Variants in BACH1 observed in about 807,000 individuals in gnomAD.
BACH1 encodes the protein transcription regulator protein BACH1.
BACH1 carries 35 observed loss-of-function variants against 52.9 expected under a neutral mutation model. The ratio of observed to expected loss-of-function variants is 0.66; its 90% CI spans 0.51 to 0.88. The LOEUF (loss-of-function observed/expected upper bound fraction) is 0.88, where lower values mean the gene tolerates loss of function less well. BACH1 is among the 40% of genes least tolerant of loss of function. The pLI is 0.00. For missense variants in BACH1, 808 were observed against 872.6 expected, an observed-to-expected ratio of 0.93 and a Z score of 0.93; for synonymous variants, 321 against 319.6, an observed-to-expected ratio of 1.00 and a Z score of -0.05.
intron 4 of BACH1, among the ~76,000 whole-genome samples, chr21:29,337,363 C>T (rs905337162): frequency 3.3e-5 from 5 of 152,134 alleles, no homozygotes; most frequent in African/African-American, 1.2e-4. Flanking sequence ...TTCATTATAT[C>T]ATGAATTCAT....
chr21:29,348,440 C>T (rs189235715), downstream of BACH1, among the ~76,000 whole-genome samples: 67 of 151,972 alleles, frequency 4.4e-4, no homozygotes, highest in African/African-American at 1.6e-3. Flanking sequence ...TGCCAGAGAC[C>T]ATAGTAGAAC....
At position 29,326,400 on chromosome 21, in the gene BACH1, T is replaced by C; in HGVS notation, c.576T>C (p.Asn192=). Residue 192 remains asparagine, a synonymous_variant, in exon 3 of 5, where the codon AAT becomes AAC. Coordinates refer to ENST00000286800, the MANE Select transcript of BACH1 (RefSeq NM_001186.4). ...GTAAACTCCGCAGGTATCAAGGAAA[T>C]GCAAAAGCCTCACCTCCTCTACAAG... is the stretch of plus-strand genomic sequence containing the variant. ...PQCKLRRYQG[N]AKASPPLQDS... is the part of the protein sequence containing the mutation. 1 of 1,614,176 alleles carries C rather than the reference T, an allele frequency of 6.2e-7. No individual in the cohort carries two copies. The highest frequency in any genetic ancestry group is 8.5e-7 in the Non-Finnish European group (1 of 1,180,022).
intron 4 of BACH1, among the ~76,000 whole-genome samples, chr21:29,334,230 T>G (rs1369919143): frequency 2.0e-5 from 3 of 152,072 alleles, no homozygotes; most frequent in Non-Finnish European, 4.4e-5. Flanking sequence ...CCCGAGTAGC[T>G]GGGACTACAG....
At chr21:29,315,515 G>T (rs1327361023) in intron 1 of BACH1, among the ~76,000 whole-genome samples, 1 of 152,180 alleles carries the variant, frequency 6.6e-6, no homozygotes, top group Non-Finnish European at 1.5e-5. Context: ...GAGAAGGCAG[G>T]TTTTGAGGAA....
Position 29,298,942 on chromosome 21 carries a change from G to C in BACH1, c.-72G>C, listed in dbSNP as rs1209988015. 1.3e-5 allele frequency: 2 copies of C among 151,914 alleles called. No homozygotes were observed. Among genetic ancestry groups the C allele is most frequent in the Non-Finnish European group, 2.9e-5 (2 of 67,992 alleles). 9.4% of individuals were successfully genotyped at this position (151,914 alleles called of 1,614,324 possible). On this transcript the variant is annotated 5_prime_UTR_variant, in exon 1 of 5. Coordinates refer to ENST00000286800, the MANE Select transcript of BACH1 (RefSeq NM_001186.4). ...GCTTCAGTCAGTCGGGCCGCGCCGCGCCTCAGCTCTGGTGAGTGGCTCGGC... is the reference window on the plus strand; with the variant it reads ...GCTTCAGTCAGTCGGGCCGCGCCGCCCCTCAGCTCTGGTGAGTGGCTCGGC...
At chr21:29,324,639 G>GT (rs1178862481) in intron 2 of BACH1, among the ~76,000 whole-genome samples, 1 of 149,420 alleles carries the variant, frequency 6.7e-6, no homozygotes, top group Non-Finnish European at 1.5e-5. Flanking sequence ...GCTAATTCTG[G>GT]TTTTTGGCTA....
downstream of BACH1, among the ~76,000 whole-genome samples, chr21:29,347,770 T>C (rs2089178391): frequency 6.6e-6 from 1 of 152,202 alleles, no homozygotes; most frequent in African/African-American, 2.4e-5. Flanking sequence ...AAGGCTACTC[T>C]GTACCAAAGA....
intron 3 of BACH1, among the ~76,000 whole-genome samples, chr21:29,329,001 G>A (rs867407164): frequency 1.1e-4 from 16 of 152,098 alleles, no homozygotes; most frequent in African/African-American, 1.4e-4. Context: ...TGAATAATGC[G>A]GTAACGAATA....
chr21:29,312,092 A>G (rs2088730448), intron 1 of BACH1, among the ~76,000 whole-genome samples: 1 of 152,214 alleles, frequency 6.6e-6, no homozygotes, highest in South Asian at 2.1e-4. Flanking sequence ...CTCCCTGATA[A>G]CAACTCTGTC....
intron 1 of BACH1, 107 bp from the exon 2 acceptor site, chr21:29,321,114 T>C: frequency 1.6e-6 from 1 of 620,044 alleles, no homozygotes; most frequent in Admixed American, 3.2e-5. Context: ...TCTGGAGGTT[T>C]TTTATTTTCA....
chr21:29,338,760 G>C (rs996564962), intron 4 of BACH1, among the ~76,000 whole-genome samples: 1 of 152,042 alleles, frequency 6.6e-6, no homozygotes, highest in African/African-American at 2.4e-5. Flanking sequence ...TCCAAATCTT[G>C]ATCTCATCTT....
At chr21:29,316,398 G>A (rs573745207) in intron 1 of BACH1, among the ~76,000 whole-genome samples, 2 of 152,234 alleles carry the variant, frequency 1.3e-5, no homozygotes, top group South Asian at 4.1e-4. Context: ...TGAATGAATT[G>A]GCAATTTCCT....
rs1459042345 is a variant in BACH1 at position 29,326,473 on chromosome 21, G to C, written c.649G>C (p.Ala217Pro). 2 of 1,614,218 alleles carry C rather than the reference G, an allele frequency of 1.2e-6. No individual in the cohort carries two copies. The highest frequency in any genetic ancestry group is 8.5e-7 in the Non-Finnish European group (1 of 1,180,026). ...GTCCATGTGCTTAGAGAAGGATGCT[G>C]CTCTGGCCTTGCCTTCTTTATGCCC... is the stretch of plus-strand genomic sequence containing the variant. ...YESMCLEKDA[A>P]LALPSLCPKY... Residue 217 changes from alanine to proline, a missense_variant, in exon 3 of 5, where the codon GCT (alanine) becomes CCT (proline). Physicochemically the swap from Ala to Pro is conservative, Grantham distance 27. Transcript: ENST00000286800.
At chr21:29,351,731 A>G (rs775991153) in intron 2 of BACH1, 13 of 534,650 alleles carry the variant, frequency 2.4e-5, no homozygotes, top group Non-Finnish European at 4.6e-5. Flanking sequence ...AAACAGTAAC[A>G]TCTGGGAGGG....
At chr21:29,340,798 T>C (rs903172694) in intron 4 of BACH1, among the ~76,000 whole-genome samples, 10 of 152,288 alleles carry the variant, frequency 6.6e-5, no homozygotes, top group Non-Finnish European at 1.0e-4. Flanking sequence ...CATTTAATGG[T>C]TCCTACTGTG....
intron 2 of BACH1, chr21:29,351,671 A>G (rs2089203059): frequency 3.7e-6 from 2 of 534,428 alleles, no homozygotes; most frequent in Non-Finnish European, 7.7e-6. Flanking sequence ...GAAGTGTTCC[A>G]TACCATTCTG....
intron 2 of BACH1, chr21:29,351,528 C>A (rs1341546295): frequency 4.3e-6 from 2 of 463,736 alleles, no homozygotes; most frequent in Non-Finnish European, 4.5e-6. Flanking sequence ...AGAAGGAACT[C>A]GTTTTTTAAG....
intron 4 of BACH1, among the ~76,000 whole-genome samples, chr21:29,339,800 A>AT (rs1453765420): frequency 6.6e-6 from 1 of 151,748 alleles, no homozygotes; most frequent in Non-Finnish European, 1.5e-5. Context: ...TGCCCAGCTA[A>AT]TTTTTTTGTA....
chr21:29,346,870 T>C (rs1368657703), downstream of BACH1, among the ~76,000 whole-genome samples: 1 of 152,022 alleles, frequency 6.6e-6, no homozygotes, highest in Non-Finnish European at 1.5e-5. Context: ...GAAGATGGTC[T>C]CTGGGGAGAG....
Sources: allele counts gnomAD v4.1 joint callset (sites outside exome capture counted in the v4.1 genomes callset), GRCh38; gene constraint gnomAD v4.1.1; transcripts MANE v1.5; gene names NCBI Gene and HGNC (gene_info 2026-07-23, HGNC 2026-07-21).